The following RP9 variants were observed in gnomAD, a reference collection of about 807,000 sequenced individuals.
RP9 encodes retinitis pigmentosa 9 protein.
RP9 carries 23 observed loss-of-function variants against 32.6 expected under a neutral mutation model. The ratio of observed to expected loss-of-function variants is 0.71; its 90% confidence interval spans 0.51 to 1.00. The LOEUF (loss-of-function observed/expected upper bound fraction) is 1.00. Among genes scored for constraint, RP9 ranks in the 50% least tolerant of loss-of-function variants. The pLI, the probability that RP9 is intolerant of heterozygous loss-of-function variation, is 0.00. For synonymous variants in RP9, 94 were observed against 103.6 expected, an observed-to-expected ratio of 0.91 and a Z score of 0.56; for missense variants, 245 against 285.3, an observed-to-expected ratio of 0.86 and a Z score of 1.02.
intron 1 of RP9, among the ~76,000 whole-genome samples, chr7:33,107,821 C>A (rs935427874): frequency 9.2e-5 from 14 of 152,176 alleles, no homozygotes; most frequent in African/African-American, 3.4e-4. Flanking sequence ...AAAGAGGGCA[C>A]CCCCATAACC....
Position 33,109,163 on chromosome 7 carries a change from GC to G in RP9, c.152+57del. On this transcript the variant is annotated intron_variant, in intron 1 of 5. Coordinates refer to ENST00000297157, the MANE Select transcript of RP9 (RefSeq NM_203288.2). The surrounding 1 kb of genome is among the most constrained non-coding windows in gnomAD (Gnocchi z 4.9). ...CCTAGCGCCCACCGCGGCGTCCCGCGCCCCGGGCCCCTGGCTTCAGAAGACT... is the reference window on the plus strand; with the variant it reads ...CCTAGCGCCCACCGCGGCGTCCCGCGCCCGGGCCCCTGGCTTCAGAAGACT... The G allele has an allele frequency of 1.4e-6, 2 of 1,465,570 alleles. No homozygotes were observed. Among genetic ancestry groups the G allele is most frequent in the Non-Finnish European group, 1.8e-6 (2 of 1,109,580 alleles). 90.8% of individuals were successfully genotyped at this position (1,465,570 alleles called of 1,614,324 possible).
At chr7:33,098,352 C>T (rs1160172566) in intron 3 of RP9, among the ~76,000 whole-genome samples, 2 of 152,180 alleles carry the variant, frequency 1.3e-5, no homozygotes, top group Non-Finnish European at 2.9e-5. Flanking sequence ...CCACTGCACT[C>T]CAGCCCGGGT....
chr7:33,104,916 T>C (rs1788477024), intron 1 of RP9, among the ~76,000 whole-genome samples: 1 of 152,174 alleles, frequency 6.6e-6, no homozygotes, highest in Non-Finnish European at 1.5e-5. Flanking sequence ...TTATACCTAG[T>C]CAAATTATGT....
intron 2 of RP9, chr7:33,100,168 C>T (rs1180674591): frequency 5.7e-6 from 2 of 351,606 alleles, no homozygotes; most frequent in South Asian, 2.5e-5. Flanking sequence ...GAGTTTACTG[C>T]TCTCTGAGCT....
intron 1 of RP9, among the ~76,000 whole-genome samples, chr7:33,103,780 A>G (rs1788461549): frequency 6.6e-6 from 1 of 152,214 alleles, no homozygotes; most frequent in Non-Finnish European, 1.5e-5. Flanking sequence ...TAATCGTGCC[A>G]CTGTGCTCCA....
Position 33,099,371 on chromosome 7 carries a change from A to G in RP9, c.249T>C (p.Phe83=), listed in dbSNP as rs1325951550. 11 of 1,613,678 alleles carry G rather than the reference A, an allele frequency of 6.8e-6. No homozygotes were observed. In the South Asian group the frequency reaches 1.1e-4, roughly 16 times the overall value. Residue 83 remains phenylalanine, a synonymous_variant, in exon 3 of 6, where the codon TTT becomes TTC. Transcript: ENST00000297157. ...DVPGNEHARE[F]LAHAPTKGLW... ...GTCCTTTAGTTGGTGCATGAGCCAG[A>G]AATTCCCTGGCGTGTTCATTGCCTG... is the stretch of plus-strand genomic sequence containing the variant.
chr7:33,094,918 G>C lies in RP9; in HGVS notation c.*316C>G. On this transcript the variant is annotated 3_prime_UTR_variant, in exon 6 of 6. Coordinates refer to ENST00000297157, the MANE Select transcript of RP9 (RefSeq NM_203288.2). Reference sequence around the variant, plus strand: ...AGCTGTGGGAGGGCCTGGAAGACACGCCTCAGAGATTCTCCCAGTCCTGCC... The same window carrying C: ...AGCTGTGGGAGGGCCTGGAAGACACCCCTCAGAGATTCTCCCAGTCCTGCC... 2 of 422,984 alleles carry C rather than the reference G, an allele frequency of 4.7e-6. No homozygotes were observed. The highest frequency in any genetic ancestry group is 8.6e-6 in the Non-Finnish European group (2 of 231,948). The allele number at this position is 422,984 out of a possible 1,614,324, so 26.2% of individuals were successfully genotyped here. A position where few individuals can be genotyped will look rare whatever the true frequency, so the allele number is the denominator to read the frequency against.
At chr7:33,099,938 T>C (rs1190004170) in intron 2 of RP9, among the ~76,000 whole-genome samples, 1 of 152,198 alleles carries the variant, frequency 6.6e-6, no homozygotes, top group African/African-American at 2.4e-5. Flanking sequence ...TTTCAAACTT[T>C]TGGATTTTTT....
Position 33,099,173 on chromosome 7 carries a change from T to C in RP9, c.313+134A>G, listed in dbSNP as rs538953972. The stretch of plus-strand genomic sequence containing the variant: ...GGTGGGGGGTGGGGTGGATGCTTCC[T>C]TATCTAGAAGATGGAGAACGTGCCT... On this transcript the variant is annotated intron_variant, in intron 3 of 5. Coordinates refer to ENST00000297157, the MANE Select transcript of RP9 (RefSeq NM_203288.2). 4.8e-6 allele frequency: 5 copies of C among 1,035,332 alleles called. No homozygotes were observed. The East Asian group carries it at 9.5e-5, about 20-fold the overall frequency. 64.1% of individuals were successfully genotyped at this position (1,035,332 alleles called of 1,614,324 possible). A position where few individuals can be genotyped will look rare whatever the true frequency, so the allele number is the denominator to read the frequency against.
In RP9 at chr7:33,109,265, T is replaced by TCGC. The variant is rs2128034566; in HGVS notation, c.105_107dup (p.Arg36dup). 3 of 1,492,548 alleles carry TCGC rather than the reference T, an allele frequency of 2.0e-6. No homozygotes were observed. The highest frequency in any genetic ancestry group is 2.7e-6 in the Non-Finnish European group (3 of 1,124,762). The allele number at this position is 1,492,548 out of a possible 1,614,324, so 92.5% of individuals were successfully genotyped here. ...GCTGCTGCAGCTGCTGCGCGTCGTG[T>TCGC]CGCCGCCGCTTCTGCTCCCGACGTC... On this transcript the variant is annotated inframe_insertion, in exon 1 of 6. Coordinates refer to ENST00000297157, the MANE Select transcript of RP9 (RefSeq NM_203288.2). The surrounding 1 kb of genome is among the most constrained non-coding windows in gnomAD (Gnocchi z 4.9).
intron 1 of RP9, among the ~76,000 whole-genome samples, chr7:33,101,881 T>C (rs900958788): frequency 6.6e-6 from 1 of 152,226 alleles, no homozygotes. Context: ...AGTTTATCTG[T>C]AGCCATTCAT....
chr7:33,096,593 A>G (rs762781865), intron 4 of RP9, 39 bp from the exon 5 acceptor site: 11 of 1,374,840 alleles, frequency 8.0e-6, no homozygotes, highest in South Asian at 1.2e-5. Context: ...GTTAGGCTTC[A>G]TGGATCACAA....
intron 2 of RP9, chr7:33,100,214 G>A: frequency 2.4e-6 from 1 of 420,784 alleles, no homozygotes; most frequent in Non-Finnish European, 4.4e-6. Context: ...ATGGACCGAG[G>A]GGCTGAGCCG....
intron 2 of RP9, among the ~76,000 whole-genome samples, 178 bp from the exon 3 acceptor site, chr7:33,099,614 T>G (rs954117876): frequency 8.6e-5 from 13 of 151,926 alleles, no homozygotes; most frequent in Admixed American, 5.2e-4. Context: ...AGGAAACAAA[T>G]GTACCAGAAG....
intron 5 of RP9, 56 bp downstream of exon 5, chr7:33,096,437 A>G (rs914577415): frequency 1.1e-5 from 14 of 1,315,756 alleles, no homozygotes; most frequent in Admixed American, 6.7e-5. Context: ...GTTTTCTCCA[A>G]CTTTATATAA....
chr7:33,100,918 A>G (rs1788414172), intron 1 of RP9: 1 of 414,820 alleles, frequency 2.4e-6, no homozygotes, highest in African/African-American at 2.0e-5. Context: ...TCAGGCTCCT[A>G]AAGCAATTTG....
Position 33,109,396 on chromosome 7 carries a change from G to A in RP9, c.-24C>T. The A allele has an allele frequency of 8.6e-7, 1 of 1,164,506 alleles. No homozygotes were observed. Among genetic ancestry groups the A allele is most frequent in the African/African-American group, 1.6e-5 (1 of 60,894 alleles). 72.1% of individuals were successfully genotyped at this position (1,164,506 alleles called of 1,614,324 possible). On this transcript the variant is annotated 5_prime_UTR_variant, in exon 1 of 6. Transcript: ENST00000297157. This position sits in a 1 kb window ranked among gnomAD's most constrained non-coding sequence, Gnocchi z 4.9. Reference sequence around the variant, plus strand: ...ATGTCAGCCCCCGCAGCGCCGCTCGGGCAACCCCCGCGGCGCGGCTCCGGC... The same window carrying A: ...ATGTCAGCCCCCGCAGCGCCGCTCGAGCAACCCCCGCGGCGCGGCTCCGGC...
intron 1 of RP9, among the ~76,000 whole-genome samples, chr7:33,107,470 A>T (rs1788514896): frequency 6.6e-6 from 1 of 152,228 alleles, no homozygotes; most frequent in African/African-American, 2.4e-5. Flanking sequence ...AGGCATTCTG[A>T]TGCTTACGCT....
At position 33,097,317 on chromosome 7, in the gene RP9, C is replaced by T. The variant is rs575309519; in HGVS notation, c.359G>A (p.Cys120Tyr). 8 of 1,613,910 alleles carry T rather than the reference C, an allele frequency of 5.0e-6. No individual in the cohort carries two copies. The highest frequency in any genetic ancestry group is 5.9e-6 in the Non-Finnish European group (7 of 1,179,918). The change falls in exon 4 of 6, where the codon TGC becomes TAC. Residue 120 changes from cysteine to tyrosine, a missense_variant. Coordinates refer to ENST00000297157, the MANE Select transcript of RP9 (RefSeq NM_203288.2). ...TTGGTTGCCTTTGATAAAGAAAGGG[C>T]ATTCTTTGTCACCCGTTCGGTGACC... is the stretch of plus-strand genomic sequence containing the variant. ...RYGHRTGDKE[C>Y]PFFIKGNQKL...
Sources: allele counts gnomAD v4.1 joint callset (sites outside exome capture counted in the v4.1 genomes callset), GRCh38; gene constraint gnomAD v4.1.1; non-coding constraint Gnocchi (gnomAD v3.1); transcripts MANE v1.5; gene names NCBI Gene and HGNC (gene_info 2026-07-23, HGNC 2026-07-21).